Variants in FSTL5 observed in about 807,000 individuals in gnomAD.
FSTL5 encodes follistatin like 5.
Under a neutral mutation model 89.1 loss-of-function variants are expected in FSTL5, and 62 were observed. The observed-to-expected ratio is 0.70, with a 90% CI of 0.57 to 0.86. FSTL5 has a LOEUF of 0.86. Among genes scored for constraint, FSTL5 ranks in the 40% least tolerant of loss-of-function variants. The pLI is 0.00. For synonymous variants in FSTL5, 383 were observed against 346.2 expected (o/e 1.11, Z -1.18); for missense variants, 1,057 against 1,001.6 (o/e 1.06, Z -0.75).
intron 4 of FSTL5, among the ~76,000 whole-genome samples, chr4:161,865,840 T>G (rs1033903091): frequency 1.3e-5 from 2 of 152,202 alleles, no homozygotes; most frequent in African/African-American, 4.8e-5. Flanking sequence ...ATGTTGGAAG[T>G]GCAAACAGGA....
intron 7 of FSTL5, among the ~76,000 whole-genome samples, chr4:161,601,535 A>C (rs1734237539): frequency 6.6e-6 from 1 of 152,130 alleles, no homozygotes; most frequent in Non-Finnish European, 1.5e-5. Flanking sequence ...ATACTGAATG[A>C]AAAAATGTAT....
chr4:162,048,733 A>C (rs1241225976), intron 2 of FSTL5, among the ~76,000 whole-genome samples: 1 of 152,274 alleles, frequency 6.6e-6, no homozygotes, highest in Non-Finnish European at 1.5e-5. Context: ...AGATGTCAAT[A>C]AGAAATAATA....
At chr4:161,776,512 T>C (rs1741417389) in intron 4 of FSTL5, among the ~76,000 whole-genome samples, 1 of 137,292 alleles carries the variant, frequency 7.3e-6, no homozygotes, top group African/African-American at 3.3e-5. Context: ...GGATTTTGTA[T>C]TGAAATATAT....
At chr4:162,153,694 T>TTTATATTATATATGTATATAATA (rs1318532786) in intron 1 of FSTL5, among the ~76,000 whole-genome samples, 1 of 124,742 alleles carries the variant, frequency 8.0e-6, no homozygotes, top group Admixed American at 8.1e-5. Context: ...TATAATAATA[T>TTTATATTATATATGTATATAATA]ATATGTATAT....
At chr4:162,062,467 G>A (rs771582045) in intron 2 of FSTL5, among the ~76,000 whole-genome samples, 3 of 151,550 alleles carry the variant, frequency 2.0e-5, no homozygotes, top group East Asian at 1.9e-4. Context: ...GTACAGTACC[G>A]GCCTTCCTGC....
At chr4:161,854,044 A>G (rs1731642590) in intron 4 of FSTL5, among the ~76,000 whole-genome samples, 1 of 152,188 alleles carries the variant, frequency 6.6e-6, no homozygotes, top group Non-Finnish European at 1.5e-5. Context: ...ATCTATTTAT[A>G]TATGTAGATC....
intron 7 of FSTL5, among the ~76,000 whole-genome samples, chr4:161,614,418 C>T (rs1425453422): frequency 1.3e-5 from 2 of 152,110 alleles, no homozygotes; most frequent in East Asian, 1.9e-4. Flanking sequence ...AGTAAATCTT[C>T]TAATATACTG....
At chr4:161,643,638 C>T (rs968044876) in intron 7 of FSTL5, among the ~76,000 whole-genome samples, 1 of 152,102 alleles carries the variant, frequency 6.6e-6, no homozygotes, top group South Asian at 2.1e-4. Context: ...TACTTCCCCT[C>T]ATCTTTTTCT....
intron 3 of FSTL5, among the ~76,000 whole-genome samples, chr4:162,015,538 C>G (rs544322766): frequency 2.4e-4 from 36 of 152,258 alleles, no homozygotes; most frequent in Admixed American, 7.9e-4. Flanking sequence ...AGCCTGAACC[C>G]AGAAAGAACC....
intron 4 of FSTL5, among the ~76,000 whole-genome samples, chr4:161,809,873 T>C (rs561417756): frequency 6.6e-5 from 10 of 152,234 alleles, no homozygotes; most frequent in East Asian, 5.8e-4. Context: ...AGAGTTTCAG[T>C]TGAGTAAGAT....
At chr4:162,103,430 C>T (rs1731082471) in intron 2 of FSTL5, among the ~76,000 whole-genome samples, 2 of 152,170 alleles carry the variant, frequency 1.3e-5, no homozygotes, top group Admixed American at 1.3e-4. Context: ...CAATTGTGAC[C>T]TCCAGTATGT....
chr4:161,900,234 A>G (rs1733308198), intron 4 of FSTL5, among the ~76,000 whole-genome samples: 1 of 152,020 alleles, frequency 6.6e-6, no homozygotes, highest in Non-Finnish European at 1.5e-5. Flanking sequence ...AGTTTTACAC[A>G]GTAGCTGAAC....
At chr4:161,438,540 T>C (rs1284457728) in intron 15 of FSTL5, among the ~76,000 whole-genome samples, 1 of 152,192 alleles carries the variant, frequency 6.6e-6, no homozygotes, top group Non-Finnish European at 1.5e-5. Context: ...GCTTCTCATA[T>C]AGCTACAGAA....
intron 6 of FSTL5, among the ~76,000 whole-genome samples, chr4:161,722,910 A>T (rs1739264038): frequency 6.6e-6 from 1 of 152,144 alleles, no homozygotes; most frequent in South Asian, 2.1e-4. Context: ...TGTCTTTATT[A>T]AAAGTATTCA....
At chr4:162,004,239 C>T (rs540877045) in intron 3 of FSTL5, among the ~76,000 whole-genome samples, 2 of 152,130 alleles carry the variant, frequency 1.3e-5, no homozygotes, top group Admixed American at 6.6e-5. Flanking sequence ...TTTGTGTGGC[C>T]AATGTAGAAA....
intron 8 of FSTL5, among the ~76,000 whole-genome samples, chr4:161,552,204 A>G (rs1732240959): frequency 6.6e-6 from 1 of 151,904 alleles, no homozygotes; most frequent in Admixed American, 6.6e-5. Context: ...CTAATCTCTA[A>G]TCTCTTAACA....
chr4:161,453,754 C>T (rs1227449465), intron 15 of FSTL5, among the ~76,000 whole-genome samples: 1 of 152,002 alleles, frequency 6.6e-6, no homozygotes, highest in Non-Finnish European at 1.5e-5. Flanking sequence ...ACCACCATGT[C>T]GGCTAATTTT....
chr4:161,512,853 A>C (rs1730691936), intron 10 of FSTL5, among the ~76,000 whole-genome samples: 1 of 152,128 alleles, frequency 6.6e-6, no homozygotes, highest in Admixed American at 6.6e-5. Context: ...TCAATATTTG[A>C]AAAATGAAGA....
chr4:161,946,467 T>C (rs1255868586), intron 3 of FSTL5, among the ~76,000 whole-genome samples: 1 of 152,206 alleles, frequency 6.6e-6, no homozygotes, highest in Non-Finnish European at 1.5e-5. Flanking sequence ...TGGGGAAGGA[T>C]GCCATCAAGG....
Sources: allele counts gnomAD v4.1 joint callset (sites outside exome capture counted in the v4.1 genomes callset), GRCh38; gene constraint gnomAD v4.1.1; transcripts MANE v1.5; gene names NCBI Gene and HGNC (gene_info 2026-07-23, HGNC 2026-07-21).